Variants in ACOXL observed in about 807,000 individuals in gnomAD.
The protein encoded by ACOXL is acyl-coenzyme A oxidase-like protein.
Under a neutral mutation model 71.9 loss-of-function variants are expected in ACOXL, and 70 were observed. The ratio of observed to expected loss-of-function variants is 0.97; its 90% CI spans 0.80 to 1.19. ACOXL has a LOEUF of 1.19. Ranked by LOEUF, ACOXL falls within the 50% of genes most tolerant of loss-of-function variation. The probability of loss-of-function intolerance (pLI) is 0.00; values close to 1 mark genes in which losing one functional copy is unlikely to be tolerated. For missense variants in ACOXL, 703 were observed against 736.3 expected (o/e 0.95, Z 0.52); for synonymous variants, 253 against 281.6 (o/e 0.90, Z 1.02).
rs375539806 is a variant in ACOXL at position 110,740,344 on chromosome 2, A to T, written c.-23+7570A>T. Among the ~76,000 whole-genome samples the T allele has an allele frequency of 3.8e-4, 58 of 152,332 alleles. 1 individual carries two copies. In the South Asian group the frequency reaches 0.011, roughly 29 times the overall value. On this transcript the variant is annotated intron_variant, in intron 1 of 17. Transcript: ENST00000439055. ...GAGCCTAATCTAAATCCCAGTGTTC[A>T]TCTCTTCATCATTTGAGATACTGTG...
chr2:110,908,637 T>G, intron 10 of ACOXL, 152 bp from the exon 11 acceptor site: 1 of 609,628 alleles, frequency 1.6e-6, no homozygotes, highest in Non-Finnish European at 2.9e-6. Context: ...AAACTTAGGC[T>G]GTCTTGCCCT....
intron 11 of ACOXL, among the ~76,000 whole-genome samples, chr2:110,919,579 T>C (rs1191361649): frequency 6.6e-6 from 1 of 152,054 alleles, no homozygotes; most frequent in Non-Finnish European, 1.5e-5. Flanking sequence ...AAAATCACAC[T>C]TTGTGTTGTA....
At chr2:110,884,971 G>A (rs1697104287) in intron 10 of ACOXL, among the ~76,000 whole-genome samples, 1 of 151,982 alleles carries the variant, frequency 6.6e-6, no homozygotes, top group Admixed American at 6.6e-5. Context: ...AAATTTCCAG[G>A]GCTTTTAATG....
At chr2:111,090,907 A>G (rs1383592854) in intron 16 of ACOXL, among the ~76,000 whole-genome samples, 2 of 152,126 alleles carry the variant, frequency 1.3e-5, no homozygotes, top group African/African-American at 2.4e-5. Context: ...CATCCATGGA[A>G]TCCTCGCCTT....
chr2:110,746,460 C>T (rs1678222557), intron 1 of ACOXL, among the ~76,000 whole-genome samples: 1 of 152,128 alleles, frequency 6.6e-6, no homozygotes, highest in African/African-American at 2.4e-5. Context: ...TCGCCATGTC[C>T]ACCTTCCTAC....
chr2:111,041,781 G>A lies in ACOXL; in HGVS notation c.1370-7437G>A, dbSNP rs76377200. Reference sequence around the variant, plus strand: ...AGAAGGGGTCCAGATGAGCTGTGCCGTCATCTCTTCCTGAGTGAATGGTGC... The same window carrying A: ...AGAAGGGGTCCAGATGAGCTGTGCCATCATCTCTTCCTGAGTGAATGGTGC... On this transcript the variant is annotated intron_variant, in intron 15 of 17. Coordinates refer to ENST00000439055, the MANE Select transcript of ACOXL (RefSeq NM_001142807.4). Among the ~76,000 whole-genome samples, 1,467 of 152,314 alleles carry A rather than the reference G, an allele frequency of 9.6e-3. 6 individuals are homozygous for A. The highest frequency in any genetic ancestry group is 0.061 in the Middle Eastern group (18 of 294).
intron 9 of ACOXL, among the ~76,000 whole-genome samples, chr2:110,838,349 T>TGTGTGTGTGC (rs1362571711): frequency 7.9e-5 from 12 of 151,444 alleles, no homozygotes; most frequent in African/African-American, 2.9e-4. Context: ...ACATGTGCTG[T>TGTGTGTGTGC]GTGTGTGTGC....
At chr2:110,759,974 C>A (rs1327504212) in intron 1 of ACOXL, among the ~76,000 whole-genome samples, 1 of 151,142 alleles carries the variant, frequency 6.6e-6, no homozygotes, top group Admixed American at 6.6e-5. Context: ...CAAGTGGGAT[C>A]TTTTCCTTCA....
At chr2:110,772,778 G>A (rs566404482) in intron 2 of ACOXL, among the ~76,000 whole-genome samples, 1 of 152,314 alleles carries the variant, frequency 6.6e-6, no homozygotes, top group East Asian at 1.9e-4. Flanking sequence ...CCTTTCAGGT[G>A]CTATGTGGAA....
At position 110,774,861 on chromosome 2, in the gene ACOXL, A is replaced by C. The variant is rs111946775; in HGVS notation, c.75+6397A>C. Among the ~76,000 whole-genome samples the C allele has an allele frequency of 4.0e-4, 61 of 152,378 alleles. 1 individual carries two copies. Among genetic ancestry groups the C allele is most frequent in the African/African-American group, 1.4e-3 (57 of 41,600 alleles). On this transcript the variant is annotated intron_variant, in intron 2 of 17. Transcript: ENST00000439055. ...AATCTCAAGGGACTCTGAATAGCCA[A>C]AGCAATCTTGGAAAAGAAGAATAAA...
chr2:110,818,396 A>T (rs1332121462), intron 9 of ACOXL, among the ~76,000 whole-genome samples: 1 of 144,664 alleles, frequency 6.9e-6, no homozygotes, highest in African/African-American at 2.6e-5. Context: ...TCTGTCTCAA[A>T]AAAAAAAAAA....
At chr2:111,056,545 T>C (rs1183402895) in intron 16 of ACOXL, among the ~76,000 whole-genome samples, 1 of 151,974 alleles carries the variant, frequency 6.6e-6, no homozygotes, top group East Asian at 1.9e-4. Context: ...TCCCAGCACT[T>C]TGGGAGGCTG....
intron 12 of ACOXL, among the ~76,000 whole-genome samples, chr2:110,969,272 G>A (rs936973045): frequency 1.2e-4 from 18 of 152,068 alleles, no homozygotes; most frequent in Admixed American, 1.2e-3. Flanking sequence ...AATTGAAAGA[G>A]AAGAGCAAAA....
chr2:110,846,613 G>T (rs1292974086), intron 10 of ACOXL, among the ~76,000 whole-genome samples: 11 of 138,790 alleles, frequency 7.9e-5, no homozygotes, highest in African/African-American at 2.8e-4. Context: ...CCATCCTCCC[G>T]CATGTGAGCA....
chr2:110,855,026 C>T (rs1020893163), intron 10 of ACOXL, among the ~76,000 whole-genome samples: 3 of 152,202 alleles, frequency 2.0e-5, no homozygotes, highest in African/African-American at 7.2e-5. Context: ...CTTTGAGAGT[C>T]TTCTTTTAAA....
intron 17 of ACOXL, among the ~76,000 whole-genome samples, chr2:111,117,143 T>A (rs759176588): frequency 9.9e-5 from 15 of 152,166 alleles, no homozygotes; most frequent in Non-Finnish European, 1.9e-4. Flanking sequence ...AGGTCTCTAG[T>A]GGTTCACCTG....
intron 10 of ACOXL, among the ~76,000 whole-genome samples, chr2:110,875,374 G>A (rs2149063807): frequency 6.6e-6 from 1 of 152,326 alleles, no homozygotes; most frequent in East Asian, 1.9e-4. Context: ...ATGCAGCTTT[G>A]AACACTGTGT....
At chr2:111,096,532 T>C (rs2068812640) in intron 17 of ACOXL, among the ~76,000 whole-genome samples, 1 of 152,186 alleles carries the variant, frequency 6.6e-6, no homozygotes, top group Non-Finnish European at 1.5e-5. Context: ...AAAATTTGTT[T>C]TTATATCATG....
intron 14 of ACOXL, among the ~76,000 whole-genome samples, chr2:111,029,947 C>T (rs530411120): frequency 6.6e-6 from 1 of 152,184 alleles, no homozygotes; most frequent in East Asian, 1.9e-4. Context: ...CCTGAAGTCC[C>T]TTCTTCAGGC....
Sources: gnomAD v4.1 joint callset for allele counts (sites outside exome capture counted in the v4.1 genomes callset) on GRCh38, gnomAD v4.1.1 for gene constraint, MANE v1.5 for transcripts, NCBI Gene and HGNC (gene_info 2026-07-23, HGNC 2026-07-21) for gene names.